The following TENM4 variants were observed in gnomAD, a reference collection of about 807,000 sequenced individuals.
TENM4 encodes teneurin transmembrane protein 4.
In TENM4, 82 loss-of-function variants were observed where a neutral mutation model predicts 243.3. The observed-to-expected ratio is 0.34, with a 90% CI of 0.28 to 0.40. TENM4 has a LOEUF of 0.40. Ranked by LOEUF, TENM4 falls within the 10% of genes least tolerant of loss-of-function variation. The pLI is 1.00. For synonymous variants in TENM4, 1,412 were observed against 1,456.3 expected (o/e 0.97, Z 0.69); for missense variants, 3,138 against 3,673.3 (o/e 0.85, Z 3.77).
In TENM4 at chr11:79,409,310, T is replaced by C. The variant is rs537121263; in HGVS notation, c.-321+31199A>G. ...GGCACATTTTAGAGCTGTTTAGGAG[T>C]GTTTAAAGCATTTAAAGGTAGATTC... On this transcript the variant is annotated intron_variant, in intron 1 of 33. Transcript: ENST00000278550. Among the ~76,000 whole-genome samples, 23 of 151,318 alleles carry C rather than the reference T, an allele frequency of 1.5e-4. No individual in the cohort carries two copies. The South Asian group carries it at 3.6e-3, about 23-fold the overall frequency.
At chr11:78,865,930 C>T (rs753682710) in intron 9 of TENM4, among the ~76,000 whole-genome samples, 2 of 152,180 alleles carry the variant, frequency 1.3e-5, no homozygotes, top group Non-Finnish European at 2.9e-5. Flanking sequence ...TGGTAAAATG[C>T]TTTGCAAACT....
intron 6 of TENM4, among the ~76,000 whole-genome samples, chr11:78,941,588 C>T (rs575230776): frequency 4.6e-5 from 7 of 151,804 alleles, no homozygotes; most frequent in East Asian, 2.0e-4. Flanking sequence ...CCTGGCACGG[C>T]GCCGGGGCGG....
intron 3 of TENM4, among the ~76,000 whole-genome samples, chr11:79,166,345 A>T (rs1220253112): frequency 6.6e-6 from 1 of 152,208 alleles, no homozygotes; most frequent in African/African-American, 2.4e-5. Flanking sequence ...TTCTCTTTTT[A>T]AGAGGCTTTC....
At chr11:78,888,095 C>T (rs766196135) in intron 9 of TENM4, among the ~76,000 whole-genome samples, 18 of 152,196 alleles carry the variant, frequency 1.2e-4, no homozygotes, top group East Asian at 5.8e-4. Context: ...TCTATATCAA[C>T]GATGCACCTC....
chr11:78,931,949 C>A (rs146973334), intron 6 of TENM4, among the ~76,000 whole-genome samples: 75 of 152,270 alleles, frequency 4.9e-4, no homozygotes, highest in African/African-American at 1.6e-3. Context: ...GCCATGATTG[C>A]ACCACTGCAC....
intron 1 of TENM4, among the ~76,000 whole-genome samples, chr11:79,306,439 C>T (rs977775966): frequency 3.9e-5 from 6 of 152,074 alleles, no homozygotes; most frequent in Admixed American, 6.5e-5. Context: ...GCATTTAGGC[C>T]GAGGGAAGGT....
chr11:78,849,876 T>C (rs1023578330), intron 12 of TENM4, among the ~76,000 whole-genome samples: 1 of 152,228 alleles, frequency 6.6e-6, no homozygotes, highest in Non-Finnish European at 1.5e-5. Context: ...TGAATTATAG[T>C]TCAGCTAGTG....
chr11:78,767,123 C>CA (rs1235263035), intron 18 of TENM4, among the ~76,000 whole-genome samples: 2 of 152,172 alleles, frequency 1.3e-5, no homozygotes, highest in Non-Finnish European at 2.9e-5. Flanking sequence ...TGAAGGGCTA[C>CA]AGGGATCTAC....
intron 6 of TENM4, among the ~76,000 whole-genome samples, chr11:78,985,728 T>C (rs1371863014): frequency 6.6e-6 from 1 of 152,124 alleles, no homozygotes; most frequent in Non-Finnish European, 1.5e-5. Flanking sequence ...TTGTTTTTTG[T>C]TCTTTTTAAA....
chr11:78,862,957 C>T lies in TENM4; in HGVS notation c.1255+5G>A, dbSNP rs775869524. ...CTCACAACACGGACAACGCAGCAAC[C>T]CTACCTTCTGTGGTTCCTTTGCCTT... is the stretch of plus-strand genomic sequence containing the variant. On this transcript the variant is annotated splice_donor_5th_base_variant and intron_variant, in intron 10 of 33. Transcript: ENST00000278550. The T allele has an allele frequency of 6.9e-7, 1 of 1,452,648 alleles. No homozygotes were observed. Among genetic ancestry groups the T allele is most frequent in the Non-Finnish European group, 9.2e-7 (1 of 1,083,106 alleles). 90.0% of individuals were successfully genotyped at this position (1,452,648 alleles called of 1,614,324 possible). A position where few individuals can be genotyped will look rare whatever the true frequency, so the allele number is the denominator to read the frequency against.
rs774906202 is a variant in TENM4, at chr11:78,757,496, G to A, written c.2540-475C>T. ...ATCACCGAAGGCTTTTAAGCAGGAG[G>A]TGACTTCATCTGGTGTGCACTCCTG... is the stretch of plus-strand genomic sequence containing the variant. On this transcript the variant is annotated intron_variant, in intron 18 of 33. Coordinates refer to ENST00000278550, the MANE Select transcript of TENM4 (RefSeq NM_001098816.3). 1.7e-3 allele frequency among the ~76,000 whole-genome samples: 259 copies of A among 152,236 alleles called. 7 individuals carry two copies. Among genetic ancestry groups the A allele is most frequent in the Non-Finnish European group, 5.1e-4 (35 of 68,046 alleles).
At chr11:78,986,929 C>T (rs1042742892) in intron 6 of TENM4, among the ~76,000 whole-genome samples, 2 of 152,126 alleles carry the variant, frequency 1.3e-5, no homozygotes, top group Admixed American at 6.5e-5. Flanking sequence ...GTCCAGTTCC[C>T]TCAACTGTCA....
chr11:79,086,604 C>T (rs923332472), intron 4 of TENM4, among the ~76,000 whole-genome samples: 8 of 152,054 alleles, frequency 5.3e-5, no homozygotes, highest in Non-Finnish European at 8.8e-5. Context: ...GAGGCTGAGG[C>T]GGGCAGATCA....
intron 3 of TENM4, among the ~76,000 whole-genome samples, chr11:79,209,396 C>T (rs1236962430): frequency 6.6e-6 from 1 of 152,222 alleles, no homozygotes; most frequent in Admixed American, 6.5e-5. Flanking sequence ...GGCGTTCCCT[C>T]ACAGTATTCC....
intron 15 of TENM4, among the ~76,000 whole-genome samples, chr11:78,805,038 A>G (rs530845734): frequency 6.6e-6 from 1 of 152,268 alleles, no homozygotes; most frequent in East Asian, 1.9e-4. Context: ...TGTAATTATA[A>G]GCTCCATTGT....
At chr11:79,084,890 G>A (rs1860768500) in intron 4 of TENM4, among the ~76,000 whole-genome samples, 1 of 152,122 alleles carries the variant, frequency 6.6e-6, no homozygotes, top group Admixed American at 6.6e-5. Context: ...AAGTAAAATG[G>A]GGAATCTGAA....
At chr11:79,407,816 G>T (rs527751700) in intron 1 of TENM4, among the ~76,000 whole-genome samples, 1 of 152,174 alleles carries the variant, frequency 6.6e-6, no homozygotes, top group Non-Finnish European at 1.5e-5. Context: ...TGGAGGGCTG[G>T]TTAACAGGAA....
At chr11:79,254,039 G>A (rs1289642243) in intron 2 of TENM4, among the ~76,000 whole-genome samples, 1 of 152,188 alleles carries the variant, frequency 6.6e-6, no homozygotes, top group African/African-American at 2.4e-5. Context: ...ATTTTCCAGT[G>A]TTTACCCACA....
At chr11:79,381,893 C>T (rs541624291) in intron 1 of TENM4, among the ~76,000 whole-genome samples, 42 of 152,218 alleles carry the variant, frequency 2.8e-4, no homozygotes, top group African/African-American at 9.6e-4. Flanking sequence ...CCACACACCA[C>T]ACTGCTCTTC....
Sources: allele counts gnomAD v4.1 joint callset (sites outside exome capture counted in the v4.1 genomes callset), GRCh38; gene constraint gnomAD v4.1.1; transcripts MANE v1.5; gene names NCBI Gene and HGNC (gene_info 2026-07-23, HGNC 2026-07-21).